TTN: variants seen among roughly 807,000 people sequenced by gnomAD.
The protein encoded by TTN is titin, also known as connectin.
Under a neutral mutation model 3,223.0 loss-of-function variants are expected in TTN, and 1,525 were observed. The observed-to-expected ratio is 0.47, with a 90% confidence interval of 0.45 to 0.49. The LOEUF (loss-of-function observed/expected upper bound fraction) is 0.49, where lower values mean the gene tolerates loss of function less well. Among genes scored for constraint, TTN ranks in the 20% least tolerant of loss-of-function variants. The pLI, the probability that TTN is intolerant of heterozygous loss-of-function variation, is 0.00. For synonymous variants in TTN, 14,094 were observed against 15,161.0 expected (o/e 0.93, Z 5.17); for missense variants, 40,786 against 43,424.0 (o/e 0.94, Z 5.40).
rs1165418882 is a variant in TTN, at chr2:178,636,184, T to C, written c.41387A>G (p.Gln13796Arg). 1 of 1,611,416 alleles carries C rather than the reference T, an allele frequency of 6.2e-7. No homozygotes were observed. The highest frequency in any genetic ancestry group is 8.5e-7 in the Non-Finnish European group (1 of 1,178,608). The part of the protein sequence containing the change: ...LEEEVTVVKG[Q>R]PLYLSCELNK... ...TAACTCGCAGCTCAAGTACAATGGCTGTCCTTTGACCACTGTGACTTCCTC... is the reference window on the plus strand; with the variant it reads ...TAACTCGCAGCTCAAGTACAATGGCCGTCCTTTGACCACTGTGACTTCCTC... Residue 13796 changes from glutamine (Q) to arginine (R), a missense_variant, in exon 226 of 363, where the codon CAG (glutamine) becomes CGG (arginine). Physicochemically the swap from Gln to Arg is conservative, Grantham distance 43. Transcript: ENST00000589042. The surrounding 1 kb of genome is among the most constrained non-coding windows in gnomAD (Gnocchi z 4.3).
In TTN at chr2:178,786,046, T is replaced by C; in HGVS notation, c.2172A>G (p.Glu724=). ...VREPREPGHL[E]ESYAQQTTLE... ...AAGTGGTCTGCTGAGCATAGGATTC[T>C]TCAAGATGCCCAGGCTCTCTGGGCT... The change falls in exon 14 of 363, where the codon GAA becomes GAG. Residue 724 remains glutamate, a synonymous_variant. Coordinates refer to ENST00000589042, the MANE Select transcript of TTN (RefSeq NM_001267550.2). 6.2e-7 allele frequency: 1 copy of C among 1,614,124 alleles called. No homozygotes were observed. Among genetic ancestry groups the C allele is most frequent in the South Asian group, 1.1e-5 (1 of 91,084 alleles).
In TTN at chr2:178,609,533, C is replaced by T; in HGVS notation, c.51777G>A (p.Val17259=). The T allele has an allele frequency of 6.2e-7, 1 of 1,611,478 alleles. No individual in the cohort carries two copies. Among genetic ancestry groups the T allele is most frequent in the Non-Finnish European group, 8.5e-7 (1 of 1,178,488 alleles). ...CAAGTGCTATTTCATCACCTCGTTT[C>T]ACTTCTAGGCTTGTTCTCAGAATGA... The part of the protein sequence containing the change: ...PKVILRTSLE[V]KRGDEIALDA... Residue 17259 remains valine, a synonymous_variant, in exon 273 of 363, where the codon GTG becomes GTA. Transcript: ENST00000589042.
At position 178,732,602 on chromosome 2, in the gene TTN, T is replaced by G. The variant is rs2080751190; in HGVS notation, c.16459A>C (p.Asn5487His). 1.2e-6 allele frequency: 2 copies of G among 1,613,544 alleles called. No individual in the cohort carries two copies. The highest frequency in any genetic ancestry group is 1.7e-6 in the Non-Finnish European group (2 of 1,179,746). ...TPLTIRWFKG[N>H]KELVSGGSCY... Reference sequence around the variant, plus strand: ...CTTCCACCAGAAACCAGCTCTTTGTTGCCCTTAAACCATCTGATTGTGAGA... The same window carrying G: ...CTTCCACCAGAAACCAGCTCTTTGTGGCCCTTAAACCATCTGATTGTGAGA... Residue 5487 changes from asparagine (N) to histidine (H), a missense_variant, in exon 56 of 363, where the codon AAC becomes CAC. Transcript: ENST00000589042.
At chr2:178,596,902 A>G (rs1200484932) in intron 294 of TTN, among the ~76,000 whole-genome samples, 8 of 152,092 alleles carry the variant, frequency 5.3e-5, no homozygotes, top group Non-Finnish European at 5.9e-5. Context: ...GTTCAACTCT[A>G]TATTCAGTGA....
Position 178,598,804 on chromosome 2 carries a change from G to C in TTN, c.56906C>G (p.Ala18969Gly). The C allele has an allele frequency of 1.9e-6, 3 of 1,613,402 alleles. No homozygotes were observed. Among genetic ancestry groups the C allele is most frequent in the Non-Finnish European group, 2.5e-6 (3 of 1,179,532 alleles). The change falls in exon 291 of 363, where the codon GCT (alanine) becomes GGT (glycine). Residue 18969 changes from alanine (A) to glycine (G), a missense_variant. Ala to Gly is a moderately conservative substitution (Grantham distance 60). Transcript: ENST00000589042. Reference protein sequence around the residue: ...YQFRVYAINAAGVGPASLPSD... With the variant: ...YQFRVYAINAGGVGPASLPSD... ...TGGCAGACTTGCTGGACCCACGCCA[G>C]CAGCATTGATTGCATATACCCGGAA...
chr2:178,795,542 A>G (rs2093723811), intron 6 of TTN, among the ~76,000 whole-genome samples: 1 of 152,188 alleles, frequency 6.6e-6, no homozygotes. Context: ...CACAACAGAA[A>G]AAGCTACTTC....
Position 178,553,278 on chromosome 2 carries a change from T to C in TTN, c.89622A>G (p.Arg29874=). The change falls in exon 335 of 363, where the codon AGA becomes AGG. Residue 29874 remains arginine (R), a synonymous_variant. Transcript: ENST00000589042. ...CACTGCCAAGATTCTTCTCATCTTTTCTCCATGTGACAGTAGGTGGAGGTC... is the reference window on the plus strand; with the variant it reads ...CACTGCCAAGATTCTTCTCATCTTTCCTCCATGTGACAGTAGGTGGAGGTC... ...KGRPPPTVTW[R]KDEKNLGSDA... 2 of 1,611,006 alleles carry C rather than the reference T, an allele frequency of 1.2e-6. No individual in the cohort carries two copies.
chr2:178,586,750 G>A lies in TTN; in HGVS notation c.64151C>T (p.Thr21384Ile), dbSNP rs2049065358. 6.2e-7 allele frequency: 1 copy of A among 1,612,980 alleles called. No individual in the cohort carries two copies. Among genetic ancestry groups the A allele is most frequent in the Admixed American group, 1.7e-5 (1 of 59,960 alleles). Reference protein sequence around the residue: ...EVTEMTKNSATLAWLPPLRDG... With the variant: ...EVTEMTKNSAILAWLPPLRDG... ...ACGTAGGGGAGGTAACCAGGCTAAGGTGGCACTGTTCTTGGTCATTTCAGT... is the reference window on the plus strand; with the variant it reads ...ACGTAGGGGAGGTAACCAGGCTAAGATGGCACTGTTCTTGGTCATTTCAGT... Residue 21384 changes from threonine to isoleucine, a missense_variant, in exon 308 of 363, where the codon ACC becomes ATC. Coordinates refer to ENST00000589042, the MANE Select transcript of TTN (RefSeq NM_001267550.2).
Position 178,621,223 on chromosome 2 carries a change from A to G in TTN, c.45495T>C (p.Tyr15165=). 1 of 1,612,308 alleles carries G rather than the reference A, an allele frequency of 6.2e-7. No homozygotes were observed. Among genetic ancestry groups the G allele is most frequent in the East Asian group, 2.2e-5 (1 of 44,600 alleles). Residue 15165 remains tyrosine, a synonymous_variant, in exon 246 of 363, where the codon TAT becomes TAC. Coordinates refer to ENST00000589042, the MANE Select transcript of TTN (RefSeq NM_001267550.2). ...DDKTLESGDK[Y]DVIADGKKRV... is the part of the protein sequence containing the mutation. ...TCTTTTTACCATCAGCAATAACGTCATATTTATCTCCAGATTCAAGTGTCT... is the reference window on the plus strand; with the variant it reads ...TCTTTTTACCATCAGCAATAACGTCGTATTTATCTCCAGATTCAAGTGTCT...
At chr2:178,747,017 C>T (rs369989213) in intron 47 of TTN, 5 of 1,613,332 alleles carry the variant, frequency 3.1e-6, no homozygotes, top group African/African-American at 1.3e-5. Context: ...TTTAAAAGTA[C>T]CAGTGGGGTT....
chr2:178,735,057 G>C, intron 50 of TTN, 69 bp from the exon 51 acceptor site: 2 of 1,446,768 alleles, frequency 1.4e-6, no homozygotes, highest in Non-Finnish European at 1.8e-6. Flanking sequence ...AAGAAAAGTA[G>C]ACATATACAA....
At position 178,733,250 on chromosome 2, in the gene TTN, A is replaced by C. The variant is rs766802878; in HGVS notation, c.16043T>G (p.Phe5348Cys). The C allele has an allele frequency of 1.2e-6, 2 of 1,600,858 alleles. No homozygotes were observed. Among genetic ancestry groups the C allele is most frequent in the East Asian group, 2.2e-5 (1 of 44,794 alleles). The part of the protein sequence containing the change: ...EVGSSSCETT[F>C]TVLDRDIAPF... ...CTAAAAATACTAACCTAATACAGTGAATGTAGTCTCACAGGAGCTGCTGCC... is the reference window on the plus strand; with the variant it reads ...CTAAAAATACTAACCTAATACAGTGCATGTAGTCTCACAGGAGCTGCTGCC... Residue 5348 changes from phenylalanine (F) to cysteine (C), a missense_variant, in exon 54 of 363, where the codon TTC (phenylalanine) becomes TGC (cysteine). Phe to Cys is a radical substitution (Grantham distance 205). Coordinates refer to ENST00000589042, the MANE Select transcript of TTN (RefSeq NM_001267550.2).
rs1401253287 is a variant in TTN, at chr2:178,578,932, T to C, written c.68098A>G (p.Lys22700Glu). 7 of 1,613,172 alleles carry C rather than the reference T, an allele frequency of 4.3e-6. No individual in the cohort carries two copies. Among genetic ancestry groups the C allele is most frequent in the Non-Finnish European group, 5.9e-6 (7 of 1,179,498 alleles). ...AGTCTGGTTACTCTAAAGGTGGTTT[T>C]CTGGACAGCTGAGGCGCACGTCACC... ...KWVTCASAVQ[K>E]TTFRVTRLHE... Residue 22700 changes from lysine (K) to glutamate (E), a missense_variant, in exon 320 of 363, where the codon AAA becomes GAA. Lys to Glu is a moderately conservative substitution (Grantham distance 56, BLOSUM62 1). Transcript: ENST00000589042.
chr2:178,534,464 C>A lies in TTN; in HGVS notation c.102151G>T (p.Asp34051Tyr). The change falls in exon 358 of 363, where the codon GAC becomes TAC. Residue 34051 changes from aspartate (D) to tyrosine (Y), a missense_variant. By Grantham distance (160) the Asp-to-Tyr change is radical. Coordinates refer to ENST00000589042, the MANE Select transcript of TTN (RefSeq NM_001267550.2). ...TTCCTCTCTTTCACTAACAACCGGT[C>A]AACAAAATCCATGGCTTCAATGCTA... ...EISIEAMDFVDRLLVKERKSR... is the reference protein window; with the variant it reads ...EISIEAMDFVYRLLVKERKSR... 1 of 1,613,430 alleles carries A rather than the reference C, an allele frequency of 6.2e-7. No homozygotes were observed. Among genetic ancestry groups the A allele is most frequent in the South Asian group, 1.1e-5 (1 of 91,032 alleles).
intron 16 of TTN, 21 bp downstream of exon 16, chr2:178,784,049 A>T: frequency 1.2e-6 from 2 of 1,612,056 alleles, no homozygotes; most frequent in Non-Finnish European, 1.7e-6. Flanking sequence ...ACCATGTAAC[A>T]GCGGGTAACC....
In TTN at chr2:178,598,932, G is replaced by A; in HGVS notation, c.56778C>T (p.Thr18926=). 6.2e-7 allele frequency: 1 copy of A among 1,612,906 alleles called. No homozygotes were observed. Among genetic ancestry groups the A allele is most frequent in the Non-Finnish European group, 8.5e-7 (1 of 1,179,468 alleles). The change falls in exon 291 of 363, where the codon ACC becomes ACT. Residue 18926 remains threonine (T), a synonymous_variant. Transcript: ENST00000589042. ...VTGYWLEMKD[T]TSKRWKRVNR... ...TAACTCTCTTCCATCTCTTTGAAGT[G>A]GTGTCTTTCATTTCCAGCCAGTACC...
At position 178,773,274 on chromosome 2, in the gene TTN, G is replaced by A; in HGVS notation, c.7690C>T (p.Leu2564=). 1 of 1,613,828 alleles carries A rather than the reference G, an allele frequency of 6.2e-7. No individual in the cohort carries two copies. The highest frequency in any genetic ancestry group is 8.5e-7 in the Non-Finnish European group (1 of 1,179,964). The change falls in exon 33 of 363, where the codon CTG becomes TTG. Residue 2564 remains leucine (L), a synonymous_variant. Transcript: ENST00000589042. ...ATTTCCTTGTCCTTAAAATTCCACA[G>A]GACATCAATTCCAGAGTGGGACAGC... ...VELSHSGIDV[L]WNFKDKEIKP...
At position 178,794,476 on chromosome 2, in the gene TTN, G is replaced by T; in HGVS notation, c.1321C>A (p.Pro441Thr). Reference protein sequence around the residue: ...AAVDMARVREPVISAVEQTAQ... With the variant: ...AAVDMARVRETVISAVEQTAQ... ...GTCTGCTCTACAGCGCTGATCACTG[G>T]TTCTCTCACTCTGGCCATATCAACG... Residue 441 changes from proline (P) to threonine (T), a missense_variant, in exon 8 of 363, where the codon CCA becomes ACA. Pro to Thr is a conservative substitution (Grantham distance 38). Transcript: ENST00000589042. The T allele has an allele frequency of 1.2e-6, 2 of 1,614,114 alleles. No individual in the cohort carries two copies. Among genetic ancestry groups the T allele is most frequent in the South Asian group, 1.1e-5 (1 of 91,084 alleles).
Position 178,584,744 on chromosome 2 carries a change from G to A in TTN, c.64897C>T (p.Arg21633Trp), listed in dbSNP as rs749576292. ...CCAAATCGGTTTTCAGCACGGACCC[G>A]GAAGATGTACTCCTGGCCTGGGATC... ...KLIPGQEYIF[R>W]VRAENRFGIS... The change falls in exon 310 of 363, where the codon CGG becomes TGG. Residue 21633 changes from arginine (R) to tryptophan (W), a missense_variant. By Grantham distance (101) the Arg-to-Trp change is moderately radical. Coordinates refer to ENST00000589042, the MANE Select transcript of TTN (RefSeq NM_001267550.2). 6.2e-6 allele frequency: 10 copies of A among 1,613,328 alleles called. No homozygotes were observed. The highest frequency in any genetic ancestry group is 1.3e-5 in the African/African-American group (1 of 74,858).
Sources: gnomAD v4.1 joint callset for allele counts (sites outside exome capture counted in the v4.1 genomes callset) on GRCh38, gnomAD v4.1.1 for gene constraint, Gnocchi (gnomAD v3.1) non-coding constraint, MANE v1.5 for transcripts, NCBI Gene and HGNC (gene_info 2026-07-23, HGNC 2026-07-21) for gene names.